The following ORC3 variants were observed in gnomAD, a reference collection of about 807,000 sequenced individuals.
ORC3 encodes the protein homolog of latheo, Drosophila.
Under a neutral mutation model 100.7 loss-of-function variants are expected in ORC3, and 78 were observed. That is an observed-to-expected ratio of 0.77 (90% CI 0.65 to 0.94). The LOEUF is 0.94. Ranked by LOEUF, ORC3 falls within the 40% of genes least tolerant of loss-of-function variation. The probability of loss-of-function intolerance (pLI) is 0.00; values close to 1 mark genes in which losing one functional copy is unlikely to be tolerated. For synonymous variants in ORC3, 295 were observed against 289.3 expected, an observed-to-expected ratio of 1.02 and a Z score of -0.20; for missense variants, 789 against 823.9, an observed-to-expected ratio of 0.96 and a Z score of 0.52.
intron 11 of ORC3, among the ~76,000 whole-genome samples, chr6:87,630,861 T>G (rs1264726993): frequency 6.6e-6 from 1 of 151,978 alleles, no homozygotes; most frequent in East Asian, 1.9e-4. Context: ...GAGGCTGTTA[T>G]GTATTGCTTT....
chr6:87,666,714 C>T (rs1224233687), intron 19 of ORC3, among the ~76,000 whole-genome samples: 1 of 152,106 alleles, frequency 6.6e-6, no homozygotes, highest in South Asian at 2.1e-4. Flanking sequence ...GCTGGGATTA[C>T]AGGTGTGAGC....
chr6:87,665,205 A>G (rs983620756), intron 18 of ORC3, among the ~76,000 whole-genome samples: 4 of 152,244 alleles, frequency 2.6e-5, no homozygotes, highest in African/African-American at 9.6e-5. Flanking sequence ...AAAGTATATT[A>G]TTAACTAGCA....
chr6:87,656,270 A>G (rs1173422797), intron 14 of ORC3, among the ~76,000 whole-genome samples: 1 of 152,192 alleles, frequency 6.6e-6, no homozygotes, highest in Admixed American at 6.5e-5. Context: ...TTATTTTTTT[A>G]AAAAGCTATG....
chr6:87,658,422 A>T (rs991624835), intron 16 of ORC3, among the ~76,000 whole-genome samples: 1 of 150,804 alleles, frequency 6.6e-6, no homozygotes, highest in Non-Finnish European at 1.5e-5. Context: ...GTGCCACTGC[A>T]CTCCAGCCTG....
At chr6:87,660,141 C>T (rs1743058384) in intron 16 of ORC3, among the ~76,000 whole-genome samples, 1 of 152,214 alleles carries the variant, frequency 6.6e-6, no homozygotes, top group South Asian at 2.1e-4. Context: ...TCTGAAATCA[C>T]ATCAGCCGTT....
chr6:87,676,064 A>G, the ORC3 span: 1 of 675,342 alleles, frequency 1.5e-6, no homozygotes, highest in Non-Finnish European at 2.5e-6. Flanking sequence ...TAGTACTAAT[A>G]GTGTATCAAA....
chr6:87,596,365 C>T (rs962331597), intron 2 of ORC3, among the ~76,000 whole-genome samples: 12 of 151,454 alleles, frequency 7.9e-5, no homozygotes, highest in African/African-American at 2.7e-4. Context: ...GAACTCCCGG[C>T]CTTGTGATCT....
intron 13 of ORC3, among the ~76,000 whole-genome samples, chr6:87,640,834 T>G (rs998530196): frequency 6.6e-6 from 1 of 152,176 alleles, no homozygotes; most frequent in African/African-American, 2.4e-5. Flanking sequence ...GTGTGGTGGC[T>G]CATGCCTGTA....
chr6:87,621,177 T>C (rs1358790508), intron 9 of ORC3, among the ~76,000 whole-genome samples, 177 bp from the exon 10 acceptor site: 1 of 150,886 alleles, frequency 6.6e-6, no homozygotes, highest in Non-Finnish European at 1.5e-5. Flanking sequence ...AACCTTAAAA[T>C]ATGGAGTTAT....
intron 11 of ORC3, among the ~76,000 whole-genome samples, 167 bp downstream of exon 11, chr6:87,622,180 A>G (rs927886243): frequency 3.3e-5 from 5 of 152,190 alleles, no homozygotes; most frequent in African/African-American, 4.8e-5. Flanking sequence ...TAAAGATGAC[A>G]TAAAACCTTA....
intron 11 of ORC3, 27 bp downstream of exon 11, chr6:87,622,040 C>T: frequency 6.8e-7 from 1 of 1,467,566 alleles, no homozygotes; most frequent in Non-Finnish European, 9.5e-7. Flanking sequence ...GTTTCAGTTT[C>T]ATTCTCTTTT....
intron 1 of ORC3, among the ~76,000 whole-genome samples, chr6:87,592,027 G>A (rs554172252): frequency 2.0e-5 from 3 of 152,160 alleles, no homozygotes; most frequent in Admixed American, 6.5e-5. Context: ...CACCACGCCC[G>A]GTCCTTAAAC....
intron 8 of ORC3, among the ~76,000 whole-genome samples, chr6:87,615,589 G>A (rs1779100142): frequency 6.6e-6 from 1 of 152,134 alleles, no homozygotes; most frequent in African/African-American, 2.4e-5. Flanking sequence ...CTTTTACTTG[G>A]TAGGCTGAGG....
chr6:87,676,993 C>T, the ORC3 span, among the ~76,000 whole-genome samples: 1 of 150,896 alleles, frequency 6.6e-6, no homozygotes, highest in South Asian at 2.1e-4. Context: ...AGGAGAATGG[C>T]GTGAACCCGG....
chr6:87,651,286 T>A (rs1457261802), intron 13 of ORC3: 1 of 455,808 alleles, frequency 2.2e-6, no homozygotes, highest in Non-Finnish European at 4.4e-6. Flanking sequence ...TTGGGTTAGA[T>A]CTTCTGCCAG....
chr6:87,599,232 C>T (rs1334682586), intron 2 of ORC3, among the ~76,000 whole-genome samples: 1 of 152,136 alleles, frequency 6.6e-6, no homozygotes, highest in African/African-American at 2.4e-5. Flanking sequence ...TTATTCTGCA[C>T]ATAAAAATTG....
the ORC3 span, chr6:87,675,824 A>G: frequency 2.3e-5 from 37 of 1,581,080 alleles, no homozygotes; most frequent in Non-Finnish European, 3.2e-5. Context: ...AGACAGTCTT[A>G]TTTTCAGTTT....
intron 10 of ORC3, 124 bp downstream of exon 10, chr6:87,621,611 G>A: frequency 1.4e-6 from 1 of 689,742 alleles, no homozygotes; most frequent in Non-Finnish European, 2.1e-6. Context: ...TTTAATTGTG[G>A]GATTTCCCTT....
rs117816252 is a variant in ORC3 at position 87,595,540 on chromosome 6, T to A, written c.79+1133T>A. ...GAATGAGTAGCAGAAGACTTTCTAC[T>A]CTCACAATGGCTACATATTTCCAAG... On this transcript the variant is annotated intron_variant, in intron 2 of 19. Transcript: ENST00000392844. 5.3e-5 allele frequency: 8 copies of A among 152,330 alleles called. No homozygotes were observed. The East Asian group carries it at 1.4e-3, about 26-fold the overall frequency. 9.4% of individuals were successfully genotyped at this position (152,330 alleles called of 1,614,324 possible). A position where few individuals can be genotyped will look rare whatever the true frequency, so the allele number is the denominator to read the frequency against.
Sources: gnomAD v4.1 joint callset for allele counts (sites outside exome capture counted in the v4.1 genomes callset) on GRCh38, gnomAD v4.1.1 for gene constraint, MANE v1.5 for transcripts, NCBI Gene and HGNC (gene_info 2026-07-23, HGNC 2026-07-21) for gene names.